NOA1: variants seen among roughly 807,000 people sequenced by gnomAD.
NOA1 encodes nitric oxide-associated protein 1.
Under a neutral mutation model 58.4 loss-of-function variants are expected in NOA1, and 35 were observed. The observed-to-expected ratio is 0.60, with a 90% CI of 0.46 to 0.79. NOA1 has a LOEUF of 0.79. Among genes scored for constraint, NOA1 ranks in the 30% least tolerant of loss-of-function variants. The probability of loss-of-function intolerance (pLI) is 0.00; values close to 1 mark genes in which losing one functional copy is unlikely to be tolerated. For synonymous variants in NOA1, 397 were observed against 373.4 expected (o/e 1.06, Z -0.73); for missense variants, 895 against 894.6 (o/e 1.00, Z -0.01).
intron 4 of NOA1, 77 bp downstream of exon 4, chr4:56,968,307 C>T (rs986329181): frequency 1.7e-5 from 23 of 1,378,568 alleles, no homozygotes; most frequent in East Asian, 4.6e-5. Flanking sequence ...TTTTGTCAGT[C>T]GTGTTCATAC....
chr4:56,977,060 G>T lies in NOA1; in HGVS notation c.526C>A (p.Arg176=). The T allele has an allele frequency of 6.3e-7, 1 of 1,578,476 alleles. No individual in the cohort carries two copies. The change falls in exon 1 of 7, where the codon CGG becomes AGG. Residue 176 remains arginine (R), a synonymous_variant. Coordinates refer to ENST00000264230, the MANE Select transcript of NOA1 (RefSeq NM_032313.4). ...RTAEADGGLA[R]TVCQRCWLLS... ...AGCCAGCAGCGCTGGCACACGGTCCGTGCCAGCCCGCCGTCTGCCTCCGCC... is the reference window on the plus strand; with the variant it reads ...AGCCAGCAGCGCTGGCACACGGTCCTTGCCAGCCCGCCGTCTGCCTCCGCC...
chr4:56,966,632 A>G lies in NOA1; in HGVS notation c.1752T>C (p.His584=). 1 of 1,607,112 alleles carries G rather than the reference A, an allele frequency of 6.2e-7. No individual in the cohort carries two copies. The highest frequency in any genetic ancestry group is 1.1e-5 in the South Asian group (1 of 90,872). Residue 584 remains histidine (H), a synonymous_variant, in exon 5 of 7, where the codon CAT becomes CAC. Transcript: ENST00000264230. Reference sequence around the variant, plus strand: ...CATGTTGCCTTACCTGGAGTAACGTATGACCTGCATGCTTCTGATACAGAG... The same window carrying G: ...CATGTTGCCTTACCTGGAGTAACGTGTGACCTGCATGCTTCTGATACAGAG... ...ADALYQKHAG[H]TLLQIPMGGK...
At chr4:56,968,894 T>C (rs71601666) in intron 3 of NOA1, among the ~76,000 whole-genome samples, 9,091 of 152,310 alleles carry the variant, frequency 0.06, 315 homozygotes, top group Middle Eastern at 0.092. Context: ...AATTTCCGCT[T>C]AAAGTAATGG....
chr4:56,974,125 A>G (rs2109620195), intron 1 of NOA1, 103 bp from the exon 2 acceptor site: 1 of 764,742 alleles, frequency 1.3e-6, no homozygotes, highest in African/African-American at 1.8e-5. Flanking sequence ...AATAAAATAT[A>G]AAATTACTGC....
chr4:56,977,175 G>T lies in NOA1; in HGVS notation c.411C>A (p.Ser137Arg). 1.3e-6 allele frequency: 2 copies of T among 1,561,014 alleles called. No individual in the cohort carries two copies. The highest frequency in any genetic ancestry group is 1.4e-5 in the African/African-American group (1 of 73,720). ...CCCCACAGCCCGAGCAGTTCACGCCGCTGGGCGGCAATGCCGGGTCCGGGT... is the reference window on the plus strand; with the variant it reads ...CCCCACAGCCCGAGCAGTTCACGCCTCTGGGCGGCAATGCCGGGTCCGGGT... ...VGHPDPALPP[S>R]GVNCSGCGAE... The change falls in exon 1 of 7, where the codon AGC (serine) becomes AGA (arginine). Residue 137 changes from serine to arginine, a missense_variant. By Grantham distance (110) the Ser-to-Arg change is moderately radical. Around this residue, in one of 3 missense-constraint regions of NOA1, gnomAD observed 680 missense variants for 656.5 expected, o/e 1.04. Coordinates refer to ENST00000264230, the MANE Select transcript of NOA1 (RefSeq NM_032313.4).
At position 56,975,254 on chromosome 4, in the gene NOA1, C is replaced by T. The variant is rs1721882478; in HGVS notation, c.1144+1188G>A. On this transcript the variant is annotated intron_variant, in intron 1 of 6. Transcript: ENST00000264230. ...CCCAGGCTGGTCCTGAACTCCTGAG[C>T]TCAAGCAATCTGCCCACCTTGGCCT... is the stretch of plus-strand genomic sequence containing the variant. Among the ~76,000 whole-genome samples the T allele has an allele frequency of 2.0e-5, 3 of 151,304 alleles. No homozygotes were observed. In the South Asian group the frequency reaches 6.3e-4, roughly 32 times the overall value.
Position 56,968,461 on chromosome 4 carries a change from T to C in NOA1, c.1570A>G (p.Ile524Val), listed in dbSNP as rs762024003. The change falls in exon 4 of 7, where the codon ATT becomes GTT. Residue 524 changes from isoleucine to valine, a missense_variant. Transcript: ENST00000264230. ...EVNIVLPTQS[I>V]VPRTFVLKPG... Reference sequence around the variant, plus strand: ...TTAAGCACAAAAGTTCTTGGAACAATGGACTGTGTTGGCAAAACAATATTT... The same window carrying C: ...TTAAGCACAAAAGTTCTTGGAACAACGGACTGTGTTGGCAAAACAATATTT... 2.5e-6 allele frequency: 4 copies of C among 1,612,094 alleles called. No individual in the cohort carries two copies. Among genetic ancestry groups the C allele is most frequent in the African/African-American group, 2.7e-5 (2 of 74,878 alleles).
At chr4:56,971,146 C>T (rs188469507) in intron 3 of NOA1, among the ~76,000 whole-genome samples, 3 of 151,998 alleles carry the variant, frequency 2.0e-5, no homozygotes, top group East Asian at 3.9e-4. Context: ...AACCCTGTCT[C>T]TATTAAAAAT....
In NOA1 at chr4:56,963,639, A is replaced by G; in HGVS notation, c.1908T>C (p.Asn636=). 3.7e-6 allele frequency: 6 copies of G among 1,614,210 alleles called. No homozygotes were observed. Among genetic ancestry groups the G allele is most frequent in the Non-Finnish European group, 5.1e-6 (6 of 1,180,048 alleles). Residue 636 remains asparagine, a synonymous_variant, in exon 7 of 7, where the codon AAT becomes AAC. Coordinates refer to ENST00000264230, the MANE Select transcript of NOA1 (RefSeq NM_032313.4). ...CTCGGAGATGCAGTCTGTCCTTAAA[A>G]TTAGGTGTTACTGAAACCCAACCTA... The part of the protein sequence containing the change: ...SSAGWVSVTP[N]FKDRLHLRGY...
At chr4:56,973,468 C>A in intron 2 of NOA1, 115 bp from the exon 3 acceptor site, 1 of 876,578 alleles carries the variant, frequency 1.1e-6, no homozygotes. Context: ...GGAAGTGAGA[C>A]CATAATGATA....
chr4:56,969,312 C>T (rs1034533755), intron 3 of NOA1, among the ~76,000 whole-genome samples: 1 of 152,216 alleles, frequency 6.6e-6, no homozygotes, highest in Non-Finnish European at 1.5e-5. Flanking sequence ...GTGGCTCACG[C>T]CTGTAATCCC....
chr4:56,971,983 G>A (rs1303212961), intron 3 of NOA1, among the ~76,000 whole-genome samples: 3 of 151,850 alleles, frequency 2.0e-5, no homozygotes, highest in Non-Finnish European at 4.4e-5. Context: ...CCGCCTCCCG[G>A]GTTCACACCA....
In NOA1 at chr4:56,977,478, G is replaced by C. The variant is rs777007758; in HGVS notation, c.108C>G (p.Cys36Trp). 2 of 1,613,780 alleles carry C rather than the reference G, an allele frequency of 1.2e-6. No homozygotes were observed. Among genetic ancestry groups the C allele is most frequent in the African/African-American group, 2.7e-5 (2 of 74,952 alleles). ...AGTGCTGGAAGGAGGAGGCGGCAGC[G>C]CACCTCCTCTCCAGGAGCGGCTCCC... ...GLREPLLERR[C>W]AAASSFQHSS... Residue 36 changes from cysteine (C) to tryptophan (W), a missense_variant, in exon 1 of 7, where the codon TGC becomes TGG. Coordinates refer to ENST00000264230, the MANE Select transcript of NOA1 (RefSeq NM_032313.4).
intron 3 of NOA1, among the ~76,000 whole-genome samples, chr4:56,972,088 G>A (rs1019937704): frequency 1.3e-5 from 2 of 152,224 alleles, no homozygotes; most frequent in Admixed American, 6.5e-5. Context: ...GGGTTTCACC[G>A]TGTTAGCCCA....
At chr4:56,966,831 C>G (rs1578537601) in intron 4 of NOA1, 95 bp from the exon 5 acceptor site, 1 of 781,196 alleles carries the variant, frequency 1.3e-6, no homozygotes, top group Non-Finnish European at 2.2e-6. Context: ...AACCAAAAAA[C>G]AAAAACCCAA....
intron 3 of NOA1, among the ~76,000 whole-genome samples, chr4:56,971,419 G>A (rs1721809238): frequency 6.6e-6 from 1 of 151,758 alleles, no homozygotes; most frequent in Non-Finnish European, 1.5e-5. Context: ...CTTTTGGACT[G>A]CTAAGGAAGA....
At chr4:56,974,775 T>A (rs1363202629) in intron 1 of NOA1, among the ~76,000 whole-genome samples, 1 of 151,724 alleles carries the variant, frequency 6.6e-6, no homozygotes, top group Non-Finnish European at 1.5e-5. Context: ...TGCAGTGGTG[T>A]GATCTTGGCT....
intron 4 of NOA1, among the ~76,000 whole-genome samples, chr4:56,967,501 A>G (rs1318251345): frequency 1.3e-5 from 2 of 152,230 alleles, no homozygotes; most frequent in Non-Finnish European, 2.9e-5. Context: ...CTAACAAAGT[A>G]TGAGCAAACA....
rs201957616 is a variant in NOA1, at chr4:56,977,566, G to T, written c.20C>A (p.Pro7Gln). The T allele has an allele frequency of 4.0e-3, 6,362 of 1,597,330 alleles. 22 individuals carry two copies. The highest frequency in any genetic ancestry group is 4.4e-3 in the Non-Finnish European group (5,179 of 1,171,140). MLPARL[P>Q]FRLLSLFLRG... Reference sequence around the variant, plus strand: ...AAGGAAAAGGCTCAGCAGCCTGAACGGTAGGCGAGCGGGCAGCATGAGGAA... The same window carrying T: ...AAGGAAAAGGCTCAGCAGCCTGAACTGTAGGCGAGCGGGCAGCATGAGGAA... Residue 7 changes from proline (P) to glutamine (Q), a missense_variant, in exon 1 of 7, where the codon CCG becomes CAG. Pro to Gln is a moderately conservative substitution (Grantham distance 76). This residue lies in a region of NOA1 where 680 missense variants were observed against 656.5 expected (regional missense o/e 1.04). Transcript: ENST00000264230.
Sources: gnomAD v4.1 joint callset for allele counts (sites outside exome capture counted in the v4.1 genomes callset) on GRCh38, gnomAD v4.1.1 for gene constraint, gnomAD v4.1.1 regional missense constraint, MANE v1.5 for transcripts, NCBI Gene and HGNC (gene_info 2026-07-23, HGNC 2026-07-21) for gene names.